The following HSD11B1 variants were observed in gnomAD, a reference collection of about 807,000 sequenced individuals.
HSD11B1 encodes 11-beta-hydroxysteroid dehydrogenase 1.
In HSD11B1, 15 loss-of-function variants were observed where a neutral mutation model predicts 22.1. The observed-to-expected ratio is 0.68, with a 90% CI of 0.45 to 1.04. The LOEUF (loss-of-function observed/expected upper bound fraction) is 1.04, where lower values mean the gene tolerates loss of function less well. Among genes scored for constraint, HSD11B1 ranks in the 50% least tolerant of loss-of-function variants. The probability of loss-of-function intolerance (pLI) is 0.00; values close to 1 mark genes in which losing one functional copy is unlikely to be tolerated. For synonymous variants in HSD11B1, 122 were observed against 125.2 expected (o/e 0.97, Z 0.17); for missense variants, 281 against 357.6 (o/e 0.79, Z 1.73).
At chr1:209,702,463 C>A (rs1446558626), upstream of HSD11B1, among the ~76,000 whole-genome samples, 4 of 152,184 alleles carry the variant, frequency 2.6e-5, no homozygotes, top group Non-Finnish European at 5.9e-5. Flanking sequence ...AATATGGACA[C>A]AAAGTGGATT....
intron 4 of HSD11B1, among the ~76,000 whole-genome samples, chr1:209,719,954 G>C: frequency 6.6e-6 from 1 of 152,162 alleles, no homozygotes; most frequent in East Asian, 1.9e-4. Context: ...TCTAGTTCTA[G>C]ATTGGCTGGG....
rs758006719 is a variant in HSD11B1 at position 209,707,118 on chromosome 1, C to G, written c.507C>G (p.Ser169=). The G allele has an allele frequency of 1.2e-6, 2 of 1,613,880 alleles. No homozygotes were observed. The highest frequency in any genetic ancestry group is 1.7e-6 in the Non-Finnish European group (2 of 1,179,856). Residue 169 remains serine (S), a synonymous_variant, in exon 4 of 6, where the codon TCC becomes TCG. Coordinates refer to ENST00000367027, the MANE Select transcript of HSD11B1 (RefSeq NM_005525.4). ...GCAATGGAAGCATTGTTGTCGTCTC[C>G]TCTCTGGCTGGTAAGTGGGACAGGG... ...KQSNGSIVVV[S]SLAGKVAYPM...
chr1:209,695,995 A>G (rs2076789009), intron 1 of HSD11B1, among the ~76,000 whole-genome samples: 1 of 152,244 alleles, frequency 6.6e-6, no homozygotes. Context: ...TGAATGGATC[A>G]ACAAAATGTG....
chr1:209,732,521 T>C lies in HSD11B1; in HGVS notation c.603T>C (p.Tyr201=). The part of the protein sequence containing the change: ...DGFFSSIRKE[Y]SVSRVNVSIT... ...TCTTCTCCTCCATCAGAAAGGAATA[T>C]TCAGTGTCCAGGGTCAATGTATCAA... is the stretch of plus-strand genomic sequence containing the variant. The change falls in exon 5 of 6, where the codon TAT becomes TAC. Residue 201 remains tyrosine (Y), a synonymous_variant. Transcript: ENST00000367027. 1.2e-6 allele frequency: 2 copies of C among 1,614,032 alleles called. No individual in the cohort carries two copies. Among genetic ancestry groups the C allele is most frequent in the South Asian group, 2.2e-5 (2 of 91,082 alleles).
intron 4 of HSD11B1, among the ~76,000 whole-genome samples, chr1:209,711,641 T>C (rs2102377944): frequency 6.6e-6 from 1 of 152,234 alleles, no homozygotes; most frequent in South Asian, 2.1e-4. Context: ...TGTAGACGTG[T>C]CATCCATAGG....
chr1:209,720,837 A>T (rs1258074131), intron 4 of HSD11B1, among the ~76,000 whole-genome samples: 3 of 152,152 alleles, frequency 2.0e-5, no homozygotes, highest in African/African-American at 7.2e-5. Context: ...CAAAAAAGAT[A>T]TATCTACATC....
chr1:209,687,245 G>A (rs1419533371), intron 1 of HSD11B1, among the ~76,000 whole-genome samples: 1 of 152,220 alleles, frequency 6.6e-6, no homozygotes, highest in Non-Finnish European at 1.5e-5. Context: ...TTCCAACAGA[G>A]CTTACCAGTA....
At chr1:209,726,931 T>A (rs1302167029) in intron 4 of HSD11B1, among the ~76,000 whole-genome samples, 2 of 152,188 alleles carry the variant, frequency 1.3e-5, no homozygotes, top group Non-Finnish European at 1.5e-5. Flanking sequence ...ATAGTCAATA[T>A]CTTTATTGTC....
intron 4 of HSD11B1, among the ~76,000 whole-genome samples, chr1:209,727,544 A>G (rs1227904016): frequency 4.6e-5 from 7 of 152,220 alleles, no homozygotes; most frequent in Admixed American, 4.6e-4. Flanking sequence ...CAATGCAGAA[A>G]GAACTGGATT....
intron 1 of HSD11B1, among the ~76,000 whole-genome samples, chr1:209,688,177 C>T (rs2076739323): frequency 6.6e-6 from 1 of 152,112 alleles, no homozygotes; most frequent in African/African-American, 2.4e-5. Flanking sequence ...ATTCAGGCTA[C>T]CTGAGTTGCC....
upstream of HSD11B1, among the ~76,000 whole-genome samples, chr1:209,704,080 T>C (rs2076840889): frequency 6.6e-6 from 1 of 152,204 alleles, no homozygotes; most frequent in Admixed American, 6.5e-5. Flanking sequence ...TTCTTTTTTC[T>C]TCTACATCAG....
upstream of HSD11B1, among the ~76,000 whole-genome samples, chr1:209,699,916 C>T (rs2076816487): frequency 6.6e-6 from 1 of 152,176 alleles, no homozygotes; most frequent in Non-Finnish European, 1.5e-5. Context: ...CTTTAAAGCT[C>T]CAAAATGATC....
intron 4 of HSD11B1, among the ~76,000 whole-genome samples, chr1:209,729,292 A>G (rs943454804): frequency 6.6e-6 from 1 of 151,942 alleles, no homozygotes; most frequent in African/African-American, 2.4e-5. Flanking sequence ...TTGGGAGGCA[A>G]AAGTTGCAGT....
At chr1:209,724,518 A>T (rs1196415976) in intron 4 of HSD11B1, among the ~76,000 whole-genome samples, 2 of 152,184 alleles carry the variant, frequency 1.3e-5, no homozygotes, top group African/African-American at 2.4e-5. Flanking sequence ...AATTACTGTG[A>T]TGTTCTCAGC....
In HSD11B1 at chr1:209,705,023, C is replaced by T. The variant is rs552803091; in HGVS notation, c.81C>T (p.Phe27=). 14 of 1,612,576 alleles carry T rather than the reference C, an allele frequency of 8.7e-6. No homozygotes were observed. In the East Asian group the frequency reaches 3.1e-4, roughly 36 times the overall value. ...ACTACTATTCTGCAAACGAGGAATT[C>T]AGACCAGGTAAGTACCCATGCGTCT... The part of the protein sequence containing the change: ...AYYYYSANEE[F]RPEMLQGKKV... Residue 27 remains phenylalanine (F), a synonymous_variant, in exon 1 of 6, where the codon TTC becomes TTT. Coordinates refer to ENST00000367027, the MANE Select transcript of HSD11B1 (RefSeq NM_005525.4).
intron 4 of HSD11B1, chr1:209,724,188 G>T (rs1355378602): frequency 6.6e-6 from 1 of 152,232 alleles, no homozygotes; most frequent in Non-Finnish European, 1.5e-5. Flanking sequence ...TTTGGGCTAT[G>T]CAATGGCTTT....
At chr1:209,734,187 C>T (rs2077052960) in intron 5 of HSD11B1, 117 bp from the exon 6 acceptor site, 6 of 766,682 alleles carry the variant, frequency 7.8e-6, no homozygotes, top group African/African-American at 1.7e-5. Context: ...GCCTGTGAGG[C>T]TTGCAGAGCA....
chr1:209,729,358 C>T (rs895397115), intron 4 of HSD11B1, among the ~76,000 whole-genome samples: 1 of 112,258 alleles, frequency 8.9e-6, no homozygotes, highest in Non-Finnish European at 1.9e-5. Flanking sequence ...GACTCTGCCT[C>T]GGAAAACACA....
At chr1:209,721,469 CAAAA>C (rs3059693) in intron 4 of HSD11B1, among the ~76,000 whole-genome samples, 7 of 101,818 alleles carry the variant, frequency 6.9e-5, no homozygotes, top group African/African-American at 1.6e-4. Context: ...ATTTCAAAAG[CAAAA>C]AAAAAAAAAA....
Sources: gnomAD v4.1 joint callset for allele counts (sites outside exome capture counted in the v4.1 genomes callset) on GRCh38, gnomAD v4.1.1 for gene constraint, MANE v1.5 for transcripts, NCBI Gene and HGNC (gene_info 2026-07-23, HGNC 2026-07-21) for gene names.